The following SYTL4 variants were observed in gnomAD, a reference collection of about 807,000 sequenced individuals.
SYTL4 encodes the protein synaptotagmin-like protein 4.
A neutral mutation model predicts 52.7 loss-of-function variants in SYTL4; 16 were observed. The ratio of observed to expected loss-of-function variants is 0.30; its 90% CI spans 0.21 to 0.46. SYTL4 has a LOEUF of 0.46. Among genes scored for constraint, SYTL4 ranks in the 20% least tolerant of loss-of-function variants. The pLI is 1.00. For missense variants in SYTL4, 423 were observed against 519.9 expected (o/e 0.81, Z 1.81); for synonymous variants, 160 against 186.6 (o/e 0.86, Z 1.16).
intron 2 of SYTL4, among the ~76,000 whole-genome samples, chrX:100,720,271 C>T (rs146123986): frequency 2.0e-3 from 221 of 111,861 alleles, no homozygotes; most frequent in African/African-American, 7.0e-3. Context: ...CTGCCAAAAG[C>T]CCCTTCCTTG....
intron 2 of SYTL4, among the ~76,000 whole-genome samples, chrX:100,707,832 C>G (rs2083988475): frequency 9.0e-6 from 1 of 111,487 alleles, no homozygotes; most frequent in East Asian, 2.8e-4. Flanking sequence ...AATCTGAGCT[C>G]AGATGGACAA....
At chrX:100,727,905 G>A (rs753681399) in intron 2 of SYTL4, among the ~76,000 whole-genome samples, 6 of 111,702 alleles carry the variant, frequency 5.4e-5, no homozygotes, top group South Asian at 3.8e-4. Flanking sequence ...CGGGAGTGCC[G>A]TTTTGGCCAC....
In SYTL4 at chrX:100,698,228, C is replaced by A. The variant is rs371312710; in HGVS notation, c.539+2669G>T. Among the ~76,000 whole-genome samples, 224 of 108,888 alleles carry A rather than the reference C, an allele frequency of 2.1e-3. 12 individuals are homozygous for A. The East Asian group carries it at 0.036, about 18-fold the overall frequency. The allele number at this position is 108,888 out of a possible 115,157, so 94.6% of individuals were successfully genotyped here. On this transcript the variant is annotated intron_variant, in intron 8 of 19. Transcript: ENST00000372989. ...CGCCATTCTCCTGCCTCAGTCTCCC[C>A]AGCAGCTGGGACTACAGGCGCCTGC...
intron 2 of SYTL4, among the ~76,000 whole-genome samples, chrX:100,707,670 G>A (rs1380954908): frequency 1.8e-5 from 2 of 111,645 alleles, no homozygotes; most frequent in African/African-American, 3.3e-5. Context: ...ATGACTAATC[G>A]GATACTCCCA....
At chrX:100,730,903 T>A (rs773801728) in intron 2 of SYTL4, among the ~76,000 whole-genome samples, 71 of 103,803 alleles carry the variant, frequency 6.8e-4, no homozygotes, top group African/African-American at 2.5e-3. Context: ...TACCTCAATA[T>A]TAATAGATTT....
rs760447949 is a variant in SYTL4, at chrX:100,701,509, C to T, written c.275G>A (p.Arg92His). Residue 92 changes from arginine (R) to histidine (H), a missense_variant, in exon 6 of 20, where the codon CGC becomes CAC. By Grantham distance (29) the Arg-to-His change is conservative. Transcript: ENST00000372989. ...GCNHLVCRDC[R>H]IQESNGTWRC... ...CCAGGTACCATTGCTTTCCTGTATG[C>T]GGCAGTCCCGACACACCAGGTGATT... 2.6e-5 allele frequency: 31 copies of T among 1,209,798 alleles called. No individual in the cohort carries two copies. Among genetic ancestry groups the T allele is most frequent in the East Asian group, 3.0e-5 (1 of 33,751 alleles).
Position 100,731,487 on chromosome X carries a change from C to G in SYTL4, c.-309G>C, listed in dbSNP as rs1194322489. The G allele has an allele frequency of 8.9e-6, 1 of 112,610 alleles. No individual in the cohort carries two copies. Among genetic ancestry groups the G allele is most frequent in the African/African-American group, 3.2e-5 (1 of 31,023 alleles). The allele number at this position is 112,610 out of a possible 1,213,427, so 9.3% of individuals were successfully genotyped here. ...TCCGAAGAGAGTGCGGGTTAGCGAC[C>G]CCGCTCGACGGCCGAGCGCTGTGAG... On this transcript the variant is annotated 5_prime_UTR_variant, in exon 2 of 20. Transcript: ENST00000372989.
At chrX:100,730,318 A>G (rs1367979934) in intron 2 of SYTL4, among the ~76,000 whole-genome samples, 2 of 111,217 alleles carry the variant, frequency 1.8e-5, no homozygotes, top group Admixed American at 1.9e-4. Context: ...AGGTGGAAGC[A>G]AGGAGAAAAA....
At chrX:100,709,243 A>C (rs750461823) in intron 2 of SYTL4, among the ~76,000 whole-genome samples, 1 of 110,733 alleles carries the variant, frequency 9.0e-6, no homozygotes, top group East Asian at 2.8e-4. Context: ...CTGCAATCCC[A>C]GCATTTTGGG....
chrX:100,713,408 A>G (rs990881948), intron 2 of SYTL4, among the ~76,000 whole-genome samples: 9 of 110,357 alleles, frequency 8.2e-5, no homozygotes, highest in East Asian at 2.8e-4. Flanking sequence ...TCGTGCCACT[A>G]TACTCCAGCC....
chrX:100,690,954 CA>C (rs766958688), intron 9 of SYTL4, among the ~76,000 whole-genome samples, 153 bp downstream of exon 9: 1 of 112,526 alleles, frequency 8.9e-6, no homozygotes, highest in East Asian at 2.8e-4. Flanking sequence ...TGCTCAGAGC[CA>C]AATCAGTAGA....
At chrX:100,700,636 A>G (rs888191345) in intron 8 of SYTL4, among the ~76,000 whole-genome samples, 1 of 112,112 alleles carries the variant, frequency 8.9e-6, no homozygotes, top group African/African-American at 3.2e-5. Flanking sequence ...AATTGTTCGT[A>G]TAAAGAACAA....
At chrX:100,729,834 G>A (rs1424805219) in intron 2 of SYTL4, among the ~76,000 whole-genome samples, 1 of 110,726 alleles carries the variant, frequency 9.0e-6, no homozygotes, top group African/African-American at 3.3e-5. Flanking sequence ...CAATCTTGAG[G>A]GATGGATAGG....
chrX:100,721,679 A>G (rs1302020830), intron 2 of SYTL4, among the ~76,000 whole-genome samples: 1 of 110,972 alleles, frequency 9.0e-6, no homozygotes, highest in Non-Finnish European at 1.9e-5. Context: ...GAGCCCCCCA[A>G]CTAGCCCCAT....
rs1391082178 is a variant in SYTL4, at chrX:100,701,261, C to T, written c.395G>A (p.Gly132Asp). The change falls in exon 7 of 20, where the codon GGT (glycine) becomes GAT (aspartate). Residue 132 changes from glycine (G) to aspartate (D), a missense_variant. By Grantham distance (94) the Gly-to-Asp change is moderately conservative. Coordinates refer to ENST00000372989, the MANE Select transcript of SYTL4 (RefSeq NM_001370165.1). ...QKVNRFAYRT[G>D]SEIIRMSLRH... ...CAGGGACATCCTGATTATCTCACTA[C>T]CTGTGCGGTAAGCAAAGCGATTCAC... 8.3e-7 allele frequency: 1 copy of T among 1,211,773 alleles called. No homozygotes were observed.
At chrX:100,695,506 C>A (rs1489830955) in intron 8 of SYTL4, among the ~76,000 whole-genome samples, 1 of 111,268 alleles carries the variant, frequency 9.0e-6, no homozygotes, top group Non-Finnish European at 1.9e-5. Flanking sequence ...CCATTCTTAT[C>A]CTTAATCCAC....
rs766561436 is a variant in SYTL4 at position 100,701,297 on chromosome X, T to C, written c.359A>G (p.Tyr120Cys). The C allele has an allele frequency of 3.3e-6, 4 of 1,211,282 alleles. No individual in the cohort carries two copies. The highest frequency in any genetic ancestry group is 4.5e-6 in the Non-Finnish European group (4 of 894,791). ...AGCAAAGCGATTCACTTTCTGGTCA[T>C]AAAACCAGTCCCCAGTTGCTTTCTT... is the stretch of plus-strand genomic sequence containing the variant. Reference protein sequence around the residue: ...ELKKATGDWFYDQKVNRFAYR... With the variant: ...ELKKATGDWFCDQKVNRFAYR... The change falls in exon 7 of 20, where the codon TAT becomes TGT. Residue 120 changes from tyrosine to cysteine, a missense_variant. By Grantham distance (194) the Tyr-to-Cys change is radical (BLOSUM62 -2). Transcript: ENST00000372989.
intron 2 of SYTL4, among the ~76,000 whole-genome samples, chrX:100,723,978 C>G (rs1265934328): frequency 3.1e-5 from 3 of 96,655 alleles, no homozygotes; most frequent in Admixed American, 1.0e-4. Context: ...GGGGGTCAGC[C>G]CCCCGCCCGG....
chrX:100,699,415 G>T (rs1354910542), intron 8 of SYTL4, among the ~76,000 whole-genome samples: 1 of 73,940 alleles, frequency 1.4e-5, no homozygotes, highest in Non-Finnish European at 2.6e-5. Flanking sequence ...GAAAAGAAAA[G>T]AAAAAAAAAG....
Sources: allele counts gnomAD v4.1 joint callset (sites outside exome capture counted in the v4.1 genomes callset), GRCh38; gene constraint gnomAD v4.1.1; transcripts MANE v1.5; gene names NCBI Gene and HGNC (gene_info 2026-07-23, HGNC 2026-07-21).